The following STRIP2 variants were observed in gnomAD, a reference collection of about 807,000 sequenced individuals.
STRIP2 encodes striatin-interacting protein 2.
STRIP2 carries 84 observed loss-of-function variants against 107.1 expected under a neutral mutation model. The observed-to-expected ratio is 0.78, with a 90% CI of 0.66 to 0.94. The LOEUF (loss-of-function observed/expected upper bound fraction) is 0.94. Ranked by LOEUF, STRIP2 falls within the 40% of genes least tolerant of loss-of-function variation. STRIP2 has a pLI of 0.00. For synonymous variants in STRIP2, 394 were observed against 400.4 expected (o/e 0.98, Z 0.19); for missense variants, 888 against 1,034.2 (o/e 0.86, Z 1.94).
At chr7:129,478,988 A>G (rs991701674) in intron 18 of STRIP2, among the ~76,000 whole-genome samples, 1 of 152,156 alleles carries the variant, frequency 6.6e-6, no homozygotes, top group Non-Finnish European at 1.5e-5. Flanking sequence ...AAAATTTAAA[A>G]GTCTGTTCGG....
At position 129,483,070 on chromosome 7, in the gene STRIP2, C is replaced by T; in HGVS notation, c.2254+24C>T. On this transcript the variant is annotated intron_variant, in intron 20 of 20. Coordinates refer to ENST00000249344, the MANE Select transcript of STRIP2 (RefSeq NM_020704.3). The surrounding 1 kb of genome is among the most constrained non-coding windows in gnomAD (Gnocchi z 5.1). ...TGGTGAGTCTTCCCAAAGCTCTTGACTTCCTGGAGTTTCCTGGGGTTTAGA... is the reference window on the plus strand; with the variant it reads ...TGGTGAGTCTTCCCAAAGCTCTTGATTTCCTGGAGTTTCCTGGGGTTTAGA... 2 of 1,610,872 alleles carry T rather than the reference C, an allele frequency of 1.2e-6. No homozygotes were observed. The highest frequency in any genetic ancestry group is 1.7e-6 in the Non-Finnish European group (2 of 1,177,506).
chr7:129,483,073 C>A lies in STRIP2; in HGVS notation c.2254+27C>A. On this transcript the variant is annotated intron_variant, in intron 20 of 20. Coordinates refer to ENST00000249344, the MANE Select transcript of STRIP2 (RefSeq NM_020704.3). This position sits in a 1 kb window ranked among gnomAD's most constrained non-coding sequence, Gnocchi z 5.1. ...TGAGTCTTCCCAAAGCTCTTGACTTCCTGGAGTTTCCTGGGGTTTAGACAA... is the reference window on the plus strand; with the variant it reads ...TGAGTCTTCCCAAAGCTCTTGACTTACTGGAGTTTCCTGGGGTTTAGACAA... The A allele has an allele frequency of 6.2e-7, 1 of 1,609,782 alleles. No individual in the cohort carries two copies. The highest frequency in any genetic ancestry group is 1.1e-5 in the South Asian group (1 of 90,764).
intron 18 of STRIP2, among the ~76,000 whole-genome samples, chr7:129,479,068 A>G (rs1213008553): frequency 6.6e-6 from 1 of 152,104 alleles, no homozygotes; most frequent in East Asian, 1.9e-4. Context: ...TGAGGTTGGG[A>G]GTTCAAGACC....
intron 5 of STRIP2, 118 bp from the exon 6 acceptor site, chr7:129,454,024 C>A (rs1798269834): frequency 2.3e-6 from 2 of 871,710 alleles, no homozygotes; most frequent in East Asian, 2.6e-5. Context: ...AGACCAGTTT[C>A]ATTAGTGGCT....
At chr7:129,484,991 A>G (rs1799209973) in intron 20 of STRIP2, among the ~76,000 whole-genome samples, 2 of 152,206 alleles carry the variant, frequency 1.3e-5, no homozygotes, top group South Asian at 4.1e-4. Flanking sequence ...CCGTCACCTC[A>G]TCATCTTAAA....
In STRIP2 at chr7:129,434,455, G is replaced by A. The variant is rs1294268756; in HGVS notation, c.-18G>A. 2.0e-6 allele frequency: 3 copies of A among 1,498,246 alleles called. No homozygotes were observed. The highest frequency in any genetic ancestry group is 2.9e-5 in the African/African-American group (2 of 69,010). The allele number at this position is 1,498,246 out of a possible 1,614,324, so 92.8% of individuals were successfully genotyped here. A position where few individuals can be genotyped will look rare whatever the true frequency, so the allele number is the denominator to read the frequency against. ...GGCAAAGCGAGCTGAACCCTGAGGG[G>A]AGCCGCTGACCAGCAGCATGGAGGA... On this transcript the variant is annotated 5_prime_UTR_variant, in exon 1 of 21. Transcript: ENST00000249344.
intron 16 of STRIP2, among the ~76,000 whole-genome samples, chr7:129,466,991 T>C (rs148164546): frequency 1.3e-5 from 2 of 152,298 alleles, no homozygotes; most frequent in East Asian, 1.9e-4. Context: ...TCAATCACAG[T>C]TGAAACATTA....
At chr7:129,438,147 G>A (rs1369978344) in intron 1 of STRIP2, among the ~76,000 whole-genome samples, 1 of 151,938 alleles carries the variant, frequency 6.6e-6, no homozygotes, top group Non-Finnish European at 1.5e-5. Context: ...ATGTTTTGGG[G>A]GAGCAACTTA....
rs768794493 is a variant in STRIP2 at position 129,470,724 on chromosome 7, A to C, written c.1944+9A>C. ...TTACTACTGAAAGTCTGGTAAGCAG[A>C]TGGGGATTTGGTAGCCTTTGAAATT... On this transcript the variant is annotated intron_variant, in intron 18 of 20. Coordinates refer to ENST00000249344, the MANE Select transcript of STRIP2 (RefSeq NM_020704.3). 2.5e-6 allele frequency: 4 copies of C among 1,612,848 alleles called. No individual in the cohort carries two copies. Among genetic ancestry groups the C allele is most frequent in the Non-Finnish European group, 3.4e-6 (4 of 1,178,862 alleles).
chr7:129,486,226 C>T lies in STRIP2; in HGVS notation c.*397C>T, dbSNP rs1374074402. On this transcript the variant is annotated 3_prime_UTR_variant, in exon 21 of 21. Transcript: ENST00000249344. Reference sequence around the variant, plus strand: ...AGGGAGAAAGTTTTCTTCTTGCTCACACTGGATTCCTAGGACTTATCAGAG... The same window carrying T: ...AGGGAGAAAGTTTTCTTCTTGCTCATACTGGATTCCTAGGACTTATCAGAG... 1.7e-5 allele frequency: 3 copies of T among 176,700 alleles called. No homozygotes were observed. Among genetic ancestry groups the T allele is most frequent in the Admixed American group, 1.1e-4 (2 of 18,440 alleles). The allele number at this position is 176,700 out of a possible 1,614,324, so 10.9% of individuals were successfully genotyped here. A position where few individuals can be genotyped will look rare whatever the true frequency, so the allele number is the denominator to read the frequency against.
In STRIP2 at chr7:129,456,401, C is replaced by G. The variant is rs752244813; in HGVS notation, c.835-38C>G. The G allele has an allele frequency of 1.9e-6, 3 of 1,593,858 alleles. No individual in the cohort carries two copies. The South Asian group carries it at 3.3e-5, about 18-fold the overall frequency. On this transcript the variant is annotated intron_variant, in intron 8 of 20. Coordinates refer to ENST00000249344, the MANE Select transcript of STRIP2 (RefSeq NM_020704.3). ...CCTTGGCTCTCTCTTACTTCCCTTC[C>G]TTCCTCTCTCTCTGCCCCTTTCCTG...
At chr7:129,453,876 G>GT (rs1798266046) in intron 5 of STRIP2, among the ~76,000 whole-genome samples, 1 of 152,172 alleles carries the variant, frequency 6.6e-6, no homozygotes, top group Admixed American at 6.5e-5. Context: ...CTTAGCATCT[G>GT]TTTTATGTCC....
At position 129,486,475 on chromosome 7, in the gene STRIP2, T is replaced by C. The variant is rs1799245887; in HGVS notation, c.*646T>C. On this transcript the variant is annotated 3_prime_UTR_variant, in exon 21 of 21. Transcript: ENST00000249344. ...AGATCTATATTCAATGTGAAAATTA[T>C]TTCCTTGTGTACTCTGTATAGGGCA... 1 of 153,650 alleles carries C rather than the reference T, an allele frequency of 6.5e-6. No homozygotes were observed. The highest frequency in any genetic ancestry group is 2.4e-5 in the African/African-American group (1 of 41,456). 9.5% of individuals were successfully genotyped at this position (153,650 alleles called of 1,614,324 possible).
Position 129,483,597 on chromosome 7 carries a change from A to G in STRIP2, c.2254+551A>G, listed in dbSNP as rs1799179844. The G allele has an allele frequency of 6.5e-6, 1 of 152,972 alleles. No individual in the cohort carries two copies. The highest frequency in any genetic ancestry group is 2.4e-5 in the African/African-American group (1 of 41,416). 9.5% of individuals were successfully genotyped at this position (152,972 alleles called of 1,614,324 possible). ...TATCTCTACCTTTTCATGTCAGTAC[A>G]TTTTCATTTCATCTAATAAAGTTCA... is the stretch of plus-strand genomic sequence containing the variant. On this transcript the variant is annotated intron_variant, in intron 20 of 20. Transcript: ENST00000249344. The surrounding 1 kb of genome is among the most constrained non-coding windows in gnomAD (Gnocchi z 5.1).
chr7:129,457,693 A>G (rs1285934528), intron 9 of STRIP2, among the ~76,000 whole-genome samples: 1 of 152,254 alleles, frequency 6.6e-6, no homozygotes, highest in Admixed American at 6.5e-5. Flanking sequence ...ATGAAGGGAG[A>G]AAAGAAAAAT....
chr7:129,464,328 A>G (rs958589031), intron 15 of STRIP2, among the ~76,000 whole-genome samples, 187 bp downstream of exon 15: 8 of 151,910 alleles, frequency 5.3e-5, no homozygotes, highest in African/African-American at 1.9e-4. Context: ...AGAACTCTGG[A>G]TCTGGAGGGT....
chr7:129,443,570 T>C (rs1797957427), intron 2 of STRIP2, among the ~76,000 whole-genome samples: 1 of 152,196 alleles, frequency 6.6e-6, no homozygotes, highest in African/African-American at 2.4e-5. Context: ...TGAAGAACCA[T>C]CTAGCACTTA....
intron 16 of STRIP2, among the ~76,000 whole-genome samples, chr7:129,466,555 C>T (rs1362868812): frequency 2.0e-5 from 3 of 152,170 alleles, no homozygotes; most frequent in East Asian, 3.8e-4. Flanking sequence ...TGGAGATAAA[C>T]TGTGTTTGAC....
Position 129,485,998 on chromosome 7 carries a change from T to G in STRIP2, c.*169T>G. 1.4e-6 allele frequency: 1 copy of G among 704,510 alleles called. No homozygotes were observed. The highest frequency in any genetic ancestry group is 2.3e-6 in the Non-Finnish European group (1 of 434,584). The allele number at this position is 704,510 out of a possible 1,614,324, so 43.6% of individuals were successfully genotyped here. On this transcript the variant is annotated 3_prime_UTR_variant, in exon 21 of 21. Transcript: ENST00000249344. ...CTGAATCACAATAAAATGATCAACT[T>G]GCCCTGGGGTCAGTTGGGTGCCCAG...
Sources: gnomAD v4.1 joint callset for allele counts (sites outside exome capture counted in the v4.1 genomes callset) on GRCh38, gnomAD v4.1.1 for gene constraint, Gnocchi (gnomAD v3.1) non-coding constraint, MANE v1.5 for transcripts, NCBI Gene and HGNC (gene_info 2026-07-23, HGNC 2026-07-21) for gene names.